Variants in SEMA3A observed in about 807,000 individuals in gnomAD.
The protein encoded by SEMA3A is semaphorin 3A, also known as semaphorin-3A.
Under a neutral mutation model 97.9 loss-of-function variants are expected in SEMA3A, and 29 were observed. That is an observed-to-expected ratio of 0.30 (90% confidence interval 0.22 to 0.40). SEMA3A has a LOEUF of 0.40. Among genes scored for constraint, SEMA3A ranks in the 10% least tolerant of loss-of-function variants. The pLI is 1.00. For synonymous variants in SEMA3A, 321 were observed against 323.7 expected (o/e 0.99, Z 0.09); for missense variants, 763 against 951.3 (o/e 0.80, Z 2.60).
chr7:84,481,786 A>G (rs1405847235), intron 1 of SEMA3A, among the ~76,000 whole-genome samples: 2 of 151,934 alleles, frequency 1.3e-5, no homozygotes, highest in Non-Finnish European at 2.9e-5. Context: ...GGAAGAAATG[A>G]ATTTTAATTA....
chr7:84,101,553 C>T (rs1258830959), intron 4 of SEMA3A, among the ~76,000 whole-genome samples: 10 of 152,116 alleles, frequency 6.6e-5, no homozygotes, highest in Admixed American at 2.0e-4. Flanking sequence ...TGCAACATGT[C>T]AGGTTTGCTG....
At chr7:84,453,407 T>A (rs1335994317) in intron 1 of SEMA3A, among the ~76,000 whole-genome samples, 1 of 151,972 alleles carries the variant, frequency 6.6e-6, no homozygotes, top group Non-Finnish European at 1.5e-5. Context: ...CGGCTAATTT[T>A]TTGTATTTTT....
At chr7:84,352,355 T>C (rs1802457941) in intron 2 of SEMA3A, among the ~76,000 whole-genome samples, 1 of 140,398 alleles carries the variant, frequency 7.1e-6, no homozygotes, top group Non-Finnish European at 1.5e-5. Context: ...TAGTTTATGA[T>C]ACTTTTAAAA....
intron 1 of SEMA3A, among the ~76,000 whole-genome samples, chr7:84,398,510 G>C (rs1803802346): frequency 6.6e-6 from 1 of 152,074 alleles, no homozygotes; most frequent in African/African-American, 2.4e-5. Flanking sequence ...AGTAATCCTA[G>C]TATTTGGGAA....
intron 2 of SEMA3A, among the ~76,000 whole-genome samples, chr7:84,350,018 C>T (rs186520675): frequency 2.3e-4 from 35 of 152,124 alleles, no homozygotes; most frequent in African/African-American, 8.2e-4. Flanking sequence ...GCCCCAAATC[C>T]CCCCAAATTG....
Position 83,981,440 on chromosome 7 carries a change from C to A in SEMA3A, c.1533G>T (p.Gln511His), listed in dbSNP as rs529494220. 1 of 1,613,106 alleles carries A rather than the reference C, an allele frequency of 6.2e-7. No homozygotes were observed. The highest frequency in any genetic ancestry group is 8.5e-7 in the Non-Finnish European group (1 of 1,179,618). The change falls in exon 14 of 17, where the codon CAG becomes CAT. Residue 511 changes from glutamine (Q) to histidine (H), a missense_variant. Gln to His is a conservative substitution (Grantham distance 24, BLOSUM62 0). Transcript: ENST00000265362. ...AAATATCACACCGGTGTAAAGGGAG[C>A]TGGGCAACCCCAGCCGTTGAACCAA... ...LYIGSTAGVA[Q>H]LPLHRCDIYG...
chr7:84,367,985 A>T (rs1802892595), intron 2 of SEMA3A, among the ~76,000 whole-genome samples: 1 of 151,242 alleles, frequency 6.6e-6, no homozygotes, highest in Non-Finnish European at 1.5e-5. Flanking sequence ...TATGCTAATT[A>T]CTAAATATAG....
chr7:84,335,273 A>G (rs1020859900), intron 2 of SEMA3A, among the ~76,000 whole-genome samples: 1 of 152,174 alleles, frequency 6.6e-6, no homozygotes, highest in Non-Finnish European at 1.5e-5. Flanking sequence ...ATAATGGACT[A>G]CACTACTTTT....
In SEMA3A at chr7:84,146,126, T is replaced by C. The variant is rs188794104; in HGVS notation, c.113-11175A>G. ...TGGATGCCTCACTGTGCTTTCATTATAACACACAGTCATAAATTAATTGCA... is the reference window on the plus strand; with the variant it reads ...TGGATGCCTCACTGTGCTTTCATTACAACACACAGTCATAAATTAATTGCA... On this transcript the variant is annotated intron_variant, in intron 1 of 16. Coordinates refer to ENST00000265362, the MANE Select transcript of SEMA3A (RefSeq NM_006080.3). 6.9e-3 allele frequency among the ~76,000 whole-genome samples: 1,057 copies of C among 152,316 alleles called. 6 individuals are homozygous for C. The highest frequency in any genetic ancestry group is 0.012 in the Non-Finnish European group (790 of 68,024).
rs147229435 is a variant in SEMA3A, at chr7:84,321,940, A to T, written c.-168-14648T>A. Among the ~76,000 whole-genome samples, 1,376 of 149,322 alleles carry T rather than the reference A, an allele frequency of 9.2e-3. 20 individuals carry two copies. The highest frequency in any genetic ancestry group is 0.032 in the African/African-American group (1,301 of 40,594). ...GGAAATACCTGAGACTGCATAATTT[A>T]TAAAGAAAAGAGGTTTAATTGACTC... On this transcript the variant is annotated intron_variant, in intron 2 of 3. Coordinates refer to the SEMA3A transcript ENST00000424555.
At chr7:84,103,014 A>G (rs1209173873) in intron 4 of SEMA3A, among the ~76,000 whole-genome samples, 1 of 152,184 alleles carries the variant, frequency 6.6e-6, no homozygotes, top group Non-Finnish European at 1.5e-5. Context: ...AAGTACCAGC[A>G]AAATTGGAAA....
chr7:83,981,462 C>A lies in SEMA3A; in HGVS notation c.1511G>T (p.Gly504Val), dbSNP rs778230837. 6.2e-7 allele frequency: 1 copy of A among 1,611,370 alleles called. No homozygotes were observed. Among genetic ancestry groups the A allele is most frequent in the Non-Finnish European group, 8.5e-7 (1 of 1,178,906 alleles). The change falls in exon 14 of 17, where the codon GGT becomes GTT. Residue 504 changes from glycine to valine, a missense_variant. By Grantham distance (109) the Gly-to-Val change is moderately radical (BLOSUM62 -3). Around this residue, in one of 2 missense-constraint regions of SEMA3A, gnomAD observed 678 missense variants for 881.3 expected, o/e 0.77. Transcript: ENST00000265362. ...LSTKQQQLYI[G>V]STAGVAQLPL... is the part of the protein sequence containing the mutation. The stretch of plus-strand genomic sequence containing the variant: ...GAGCTGGGCAACCCCAGCCGTTGAA[C>A]CAATATATAGTTGTTGCTGTGGAAA...
At chr7:84,238,345 G>C (rs996839717) in intron 3 of SEMA3A, among the ~76,000 whole-genome samples, 3 of 152,222 alleles carry the variant, frequency 2.0e-5, no homozygotes, top group Non-Finnish European at 2.9e-5. Flanking sequence ...GGGATTACAG[G>C]TGTGAGCCAT....
At chr7:84,233,133 A>G (rs1331049537) in intron 3 of SEMA3A, among the ~76,000 whole-genome samples, 1 of 152,010 alleles carries the variant, frequency 6.6e-6, no homozygotes, top group African/African-American at 2.4e-5. Flanking sequence ...TAACTTCTCA[A>G]TCATGCAATA....
intron 3 of SEMA3A, among the ~76,000 whole-genome samples, chr7:84,242,632 C>T (rs1015837124): frequency 7.9e-5 from 12 of 152,100 alleles, no homozygotes; most frequent in South Asian, 4.1e-4. Context: ...ATGTTTCCTT[C>T]GCTTGCCTGA....
At chr7:83,998,755 AATT>A (rs905756835) in intron 12 of SEMA3A, among the ~76,000 whole-genome samples, 35 of 152,098 alleles carry the variant, frequency 2.3e-4, no homozygotes, top group Middle Eastern at 3.4e-3. Context: ...TTGTTTGATA[AATT>A]ATTATTATTT....
chr7:84,226,146 A>T (rs1299985183), intron 3 of SEMA3A, among the ~76,000 whole-genome samples: 2 of 152,160 alleles, frequency 1.3e-5, no homozygotes, highest in Non-Finnish European at 2.9e-5. Context: ...AAGCATAATC[A>T]GTATTCCAGG....
intron 4 of SEMA3A, among the ~76,000 whole-genome samples, chr7:84,088,122 C>A (rs958992138): frequency 6.6e-6 from 1 of 152,128 alleles, no homozygotes; most frequent in East Asian, 1.9e-4. Flanking sequence ...ATTATAAATC[C>A]ACATGCTGTC....
At chr7:84,400,888 T>C (rs1395332924) in intron 1 of SEMA3A, among the ~76,000 whole-genome samples, 4 of 152,160 alleles carry the variant, frequency 2.6e-5, no homozygotes, top group African/African-American at 9.7e-5. Context: ...ATATAGGTCA[T>C]ATGTGAAAAA....
Sources: allele counts gnomAD v4.1 joint callset (sites outside exome capture counted in the v4.1 genomes callset), GRCh38; gene constraint gnomAD v4.1.1; regional missense constraint gnomAD v4.1.1; transcripts MANE v1.5; gene names NCBI Gene and HGNC (gene_info 2026-07-23, HGNC 2026-07-21).